Variants in ADAP2 observed in about 807,000 individuals in gnomAD.
ADAP2 encodes ArfGAP with dual PH domains 2, also known as arf-GAP with dual PH domain-containing protein 2.
ADAP2 carries 42 observed loss-of-function variants against 54.9 expected under a neutral mutation model. The observed-to-expected ratio is 0.77, with a 90% CI of 0.60 to 0.99. ADAP2 has a LOEUF of 0.99. Ranked by LOEUF, ADAP2 falls within the 50% of genes least tolerant of loss-of-function variation. ADAP2 has a pLI of 0.00. For synonymous variants in ADAP2, 177 were observed against 180.1 expected (o/e 0.98, Z 0.14); for missense variants, 429 against 480.4 (o/e 0.89, Z 1.00).
chr17:30,922,150 G>C (rs945375657), intron 1 of ADAP2, 42 bp downstream of exon 1: 11 of 1,210,262 alleles, frequency 9.1e-6, no homozygotes, highest in Non-Finnish European at 4.1e-6. Context: ...CCCCCGGCCG[G>C]ACCCCAGGCC....
At position 30,956,234 on chromosome 17, in the gene ADAP2, T is replaced by G; in HGVS notation, c.883-7T>G. On this transcript the variant is annotated splice_polypyrimidine_tract_variant and splice_region_variant and intron_variant, in intron 9 of 10. Coordinates refer to ENST00000330889, the MANE Select transcript of ADAP2 (RefSeq NM_018404.3). The stretch of plus-strand genomic sequence containing the variant: ...CCCTCTGATGACCCTGTACTCTCCA[T>G]TTTCAGGATGCCTTCGAGCAGGGCC... 5.6e-6 allele frequency: 9 copies of G among 1,613,968 alleles called. No homozygotes were observed. Among genetic ancestry groups the G allele is most frequent in the Non-Finnish European group, 7.6e-6 (9 of 1,179,902 alleles).
intron 2 of ADAP2, among the ~76,000 whole-genome samples, 195 bp downstream of exon 2, chr17:30,923,265 T>C (rs887009947): frequency 1.4e-4 from 9 of 63,060 alleles, no homozygotes; most frequent in African/African-American, 1.1e-3. Context: ...ATTTGCTTAC[T>C]TTTTTTTTTT....
At chr17:30,955,414 C>T (rs1343572568) in intron 9 of ADAP2, among the ~76,000 whole-genome samples, 1 of 151,940 alleles carries the variant, frequency 6.6e-6, no homozygotes. Flanking sequence ...CCCATCTCTA[C>T]AAGAAACTTA....
intron 5 of ADAP2, among the ~76,000 whole-genome samples, chr17:30,943,279 C>T (rs753745148): frequency 4.6e-5 from 7 of 151,332 alleles, no homozygotes; most frequent in South Asian, 2.1e-4. Context: ...GCAGAAGAAT[C>T]GCTTGAACCC....
Position 30,945,046 on chromosome 17 carries a change from G to A in ADAP2, c.650G>A (p.Ser217Asn), listed in dbSNP as rs1401316981. 2 of 1,613,720 alleles carry A rather than the reference G, an allele frequency of 1.2e-6. No individual in the cohort carries two copies. Among genetic ancestry groups the A allele is most frequent in the African/African-American group, 1.3e-5 (1 of 74,904 alleles). The change falls in exon 6 of 11, where the codon AGT becomes AAT. Residue 217 changes from serine (S) to asparagine (N), a missense_variant. Ser to Asn is a conservative substitution (Grantham distance 46, BLOSUM62 1). Coordinates refer to ENST00000330889, the MANE Select transcript of ADAP2 (RefSeq NM_018404.3). ...HTRNLFVYHE[S>N]GKEIVDWFNA... Reference sequence around the variant, plus strand: ...AGGAACCTGTTTGTGTATCATGAAAGTGGGAAGGTGAGATGCCTGGAGTTG... The same window carrying A: ...AGGAACCTGTTTGTGTATCATGAAAATGGGAAGGTGAGATGCCTGGAGTTG...
intron 7 of ADAP2, among the ~76,000 whole-genome samples, chr17:30,952,140 G>A (rs1904704815): frequency 6.6e-6 from 1 of 152,248 alleles, no homozygotes; most frequent in South Asian, 2.1e-4. Context: ...GAGCATAGGA[G>A]GCCATCATCA....
At chr17:30,933,480 A>C (rs1196306911) in intron 4 of ADAP2, among the ~76,000 whole-genome samples, 2 of 151,140 alleles carry the variant, frequency 1.3e-5, no homozygotes, top group Non-Finnish European at 2.9e-5. Flanking sequence ...GAGCCATTGC[A>C]CCCAGCCCAT....
chr17:30,924,866 GT>G (rs201358322), intron 2 of ADAP2, among the ~76,000 whole-genome samples: 3 of 147,022 alleles, frequency 2.0e-5, no homozygotes, highest in African/African-American at 7.6e-5. Context: ...TTTCTTTTTT[GT>G]TTTTTTTGTT....
intron 5 of ADAP2, among the ~76,000 whole-genome samples, chr17:30,936,927 TTTGA>T (rs932229871): frequency 6.6e-6 from 1 of 152,110 alleles, no homozygotes; most frequent in African/African-American, 2.4e-5. Flanking sequence ...GACTTAAGTT[TTTGA>T]TTGATTGATT....
chr17:30,945,936 G>A (rs898631526), intron 6 of ADAP2, among the ~76,000 whole-genome samples: 1 of 151,226 alleles, frequency 6.6e-6, no homozygotes, highest in South Asian at 2.1e-4. Context: ...GGCGGATCAC[G>A]AGGTCAGGAG....
chr17:30,951,414 T>C (rs1003709674), intron 7 of ADAP2, among the ~76,000 whole-genome samples: 1 of 152,092 alleles, frequency 6.6e-6, no homozygotes, highest in Non-Finnish European at 1.5e-5. Context: ...ATCTGTTTTC[T>C]CCAAATGGAA....
At chr17:30,926,424 A>G (rs1226236177) in intron 2 of ADAP2, among the ~76,000 whole-genome samples, 2 of 152,200 alleles carry the variant, frequency 1.3e-5, no homozygotes, top group African/African-American at 4.8e-5. Context: ...GGTCCTGGCC[A>G]TCTGTGGAAG....
At chr17:30,946,956 T>C (rs1268212724) in intron 6 of ADAP2, among the ~76,000 whole-genome samples, 4 of 152,156 alleles carry the variant, frequency 2.6e-5, no homozygotes, top group Non-Finnish European at 5.9e-5. Flanking sequence ...TAAGGACTTT[T>C]ACTGAGGCAC....
chr17:30,944,777 A>G (rs1912531608), intron 5 of ADAP2, 130 bp from the exon 6 acceptor site: 3 of 977,914 alleles, frequency 3.1e-6, no homozygotes, highest in Non-Finnish European at 4.6e-6. Context: ...GAATTTCGAT[A>G]TGAGAGCAAG....
intron 5 of ADAP2, among the ~76,000 whole-genome samples, chr17:30,942,986 T>C (rs1208910461): frequency 6.6e-6 from 1 of 152,194 alleles, no homozygotes; most frequent in East Asian, 1.9e-4. Flanking sequence ...AGAAAGCAGT[T>C]TGGAGATTTC....
At chr17:30,924,672 G>C (rs1034741002) in intron 2 of ADAP2, among the ~76,000 whole-genome samples, 1 of 152,154 alleles carries the variant, frequency 6.6e-6, no homozygotes, top group Non-Finnish European at 1.5e-5. Flanking sequence ...GTGCTAGACA[G>C]CACCGGACTG....
intron 8 of ADAP2, among the ~76,000 whole-genome samples, chr17:30,953,559 C>A (rs1904838581): frequency 6.6e-6 from 1 of 152,090 alleles, no homozygotes; most frequent in Non-Finnish European, 1.5e-5. Context: ...TTTTTTGAGA[C>A]AGAGTCTTGC....
intron 5 of ADAP2, among the ~76,000 whole-genome samples, chr17:30,942,549 C>A (rs1406127169): frequency 1.3e-5 from 2 of 152,108 alleles, no homozygotes; most frequent in East Asian, 3.8e-4. Flanking sequence ...AAACTGACTG[C>A]AACATTACTT....
At chr17:30,922,834 C>A in intron 1 of ADAP2, 106 bp from the exon 2 acceptor site, 1 of 1,340,940 alleles carries the variant, frequency 7.5e-7, no homozygotes, top group Non-Finnish European at 1.0e-6. Flanking sequence ...CTTAGTTCGC[C>A]TTAGGTGGGA....
Sources: gnomAD v4.1 joint callset for allele counts (sites outside exome capture counted in the v4.1 genomes callset) on GRCh38, gnomAD v4.1.1 for gene constraint, MANE v1.5 for transcripts, NCBI Gene and HGNC (gene_info 2026-07-23, HGNC 2026-07-21) for gene names.